Variants in RORA observed in about 807,000 individuals in gnomAD.
RORA encodes RAR related orphan receptor A.
In RORA, 7 loss-of-function variants were observed where a neutral mutation model predicts 69.5. The ratio of observed to expected loss-of-function variants is 0.10; its 90% confidence interval spans 0.06 to 0.19. The LOEUF (loss-of-function observed/expected upper bound fraction) is 0.19. RORA is among the 10% of genes least tolerant of loss of function. RORA has a pLI of 1.00. For missense variants in RORA, 457 were observed against 663.0 expected, an observed-to-expected ratio of 0.69 and a Z score of 3.41; for synonymous variants, 261 against 240.8, an observed-to-expected ratio of 1.08 and a Z score of -0.78.
chr15:60,666,478 C>A (rs1372237081), intron 2 of RORA, among the ~76,000 whole-genome samples: 1 of 151,526 alleles, frequency 6.6e-6, no homozygotes, highest in East Asian at 1.9e-4. Context: ...AGCCACCACA[C>A]CCGGCCAAAA....
At chr15:61,076,725 T>C (rs751667798) in intron 1 of RORA, among the ~76,000 whole-genome samples, 2 of 152,190 alleles carry the variant, frequency 1.3e-5, no homozygotes, top group Non-Finnish European at 2.9e-5. Context: ...TAAAGCCAGA[T>C]TGGGCTGCTC....
At chr15:60,617,766 G>A (rs2069292968) in intron 2 of RORA, among the ~76,000 whole-genome samples, 1 of 151,208 alleles carries the variant, frequency 6.6e-6, no homozygotes. Flanking sequence ...CTTCAAACCT[G>A]GCGATGGGCA....
intron 1 of RORA, among the ~76,000 whole-genome samples, chr15:61,018,614 T>C (rs921949136): frequency 6.6e-6 from 1 of 152,108 alleles, no homozygotes; most frequent in Non-Finnish European, 1.5e-5. Context: ...ATACGGAGCA[T>C]GCATGTATAT....
intron 1 of RORA, among the ~76,000 whole-genome samples, chr15:61,042,412 AACAC>A (rs1896825526): frequency 6.6e-6 from 1 of 151,966 alleles, no homozygotes; most frequent in Non-Finnish European, 1.5e-5. Context: ...CAAACACACA[AACAC>A]ACAATTAGAT....
chr15:60,865,083 C>T (rs1302564681), intron 1 of RORA, among the ~76,000 whole-genome samples: 1 of 152,236 alleles, frequency 6.6e-6, no homozygotes, highest in African/African-American at 2.4e-5. Context: ...GATCCTGGTT[C>T]TCCCATTGCC....
intron 1 of RORA, among the ~76,000 whole-genome samples, chr15:60,938,338 A>T (rs1047711210): frequency 6.6e-6 from 1 of 152,176 alleles, no homozygotes; most frequent in South Asian, 2.1e-4. Flanking sequence ...CTATCATTCC[A>T]TTTCCCATAA....
At chr15:60,602,926 C>A (rs1341147483) in intron 2 of RORA, among the ~76,000 whole-genome samples, 1 of 152,292 alleles carries the variant, frequency 6.6e-6, no homozygotes, top group African/African-American at 2.4e-5. Context: ...TCCTCTGTGC[C>A]CCTTTATAGC....
At chr15:61,141,237 A>G (rs1217514658) in intron 1 of RORA, among the ~76,000 whole-genome samples, 3 of 152,220 alleles carry the variant, frequency 2.0e-5, no homozygotes, top group Non-Finnish European at 2.9e-5. Flanking sequence ...GATTTATCTT[A>G]TACATTAGGT....
chr15:60,607,911 G>A (rs1227012856), intron 2 of RORA, among the ~76,000 whole-genome samples: 1 of 152,238 alleles, frequency 6.6e-6, no homozygotes, highest in Non-Finnish European at 1.5e-5. Flanking sequence ...CAGGTGAAGT[G>A]ACAGGTTTCT....
At chr15:61,197,831 T>C (rs1439256455) in intron 1 of RORA, among the ~76,000 whole-genome samples, 2 of 152,118 alleles carry the variant, frequency 1.3e-5, no homozygotes, top group Non-Finnish European at 2.9e-5. Context: ...CACATCTCAA[T>C]GCCTTAGGGA....
chr15:60,614,961 T>C (rs1195024197), intron 2 of RORA: 1 of 1,614,032 alleles, frequency 6.2e-7, no homozygotes, highest in Non-Finnish European at 8.5e-7. Flanking sequence ...TGGCTGTGGC[T>C]CCATCCCAGT....
At chr15:60,948,711 C>T (rs981751794) in intron 1 of RORA, among the ~76,000 whole-genome samples, 2 of 152,184 alleles carry the variant, frequency 1.3e-5, no homozygotes, top group Non-Finnish European at 2.9e-5. Flanking sequence ...CAAGGTCACA[C>T]ATTTGGATCT....
chr15:60,798,429 C>G (rs2072529090), intron 1 of RORA, among the ~76,000 whole-genome samples: 1 of 152,056 alleles, frequency 6.6e-6, no homozygotes, highest in South Asian at 2.1e-4. Flanking sequence ...AACCTTAGGA[C>G]TCTACTTAGA....
intron 2 of RORA, among the ~76,000 whole-genome samples, chr15:60,542,415 CACACACCACAGAT>C (rs1481814821): frequency 1.3e-5 from 2 of 151,522 alleles, no homozygotes. Context: ...ACCATGCTCA[CACACACCACAGAT>C]GCACACCTCA....
intron 1 of RORA, among the ~76,000 whole-genome samples, chr15:61,072,950 T>A (rs1207640433): frequency 1.3e-5 from 2 of 152,068 alleles, no homozygotes; most frequent in African/African-American, 4.8e-5. Flanking sequence ...TCCAATGGAG[T>A]TCCAGGAAAA....
At chr15:60,628,347 G>T (rs2069647224) in intron 2 of RORA, among the ~76,000 whole-genome samples, 1 of 152,144 alleles carries the variant, frequency 6.6e-6, no homozygotes, top group Non-Finnish European at 1.5e-5. Context: ...CTCATGGTTA[G>T]ACTGGGGTTT....
intron 1 of RORA, among the ~76,000 whole-genome samples, chr15:60,753,418 C>T (rs943278370): frequency 3.3e-5 from 5 of 152,338 alleles, no homozygotes; most frequent in East Asian, 3.9e-4. Context: ...TACCAATGGA[C>T]GTGGTCAGCC....
intron 1 of RORA, among the ~76,000 whole-genome samples, chr15:61,056,002 A>C (rs745933900): frequency 3.3e-5 from 5 of 152,248 alleles, no homozygotes; most frequent in Non-Finnish European, 5.9e-5. Context: ...TGCTGTTTAC[A>C]AGCAATAAAC....
chr15:60,610,313 C>T (rs12591786), intron 2 of RORA, among the ~76,000 whole-genome samples: 21,708 of 152,030 alleles, frequency 0.14, 1,839 homozygotes, highest in South Asian at 0.29. Flanking sequence ...GCAATCCATC[C>T]GATCTTCCAC....
Sources: gnomAD v4.1 joint callset for allele counts (sites outside exome capture counted in the v4.1 genomes callset) on GRCh38, gnomAD v4.1.1 for gene constraint, MANE v1.5 for transcripts, NCBI Gene and HGNC (gene_info 2026-07-23, HGNC 2026-07-21) for gene names.